Variants in E2F5 observed in about 807,000 individuals in gnomAD.
E2F5 encodes the protein E2F transcription factor 5.
In E2F5, 23 loss-of-function variants were observed where a neutral mutation model predicts 39.1. The ratio of observed to expected loss-of-function variants is 0.59; its 90% CI spans 0.42 to 0.83. E2F5 has a LOEUF of 0.83. Ranked by LOEUF, E2F5 falls within the 40% of genes least tolerant of loss-of-function variation. The pLI, the probability that E2F5 is intolerant of heterozygous loss-of-function variation, is 0.00. For missense variants in E2F5, 365 were observed against 406.7 expected (o/e 0.90, Z 0.88); for synonymous variants, 145 against 157.8 (o/e 0.92, Z 0.61).
In E2F5 at chr8:85,207,467, TG is replaced by T; in HGVS notation, c.595del (p.Glu199ArgfsTer19). The T allele has an allele frequency of 6.4e-7, 1 of 1,561,572 alleles. No individual in the cohort carries two copies. Among genetic ancestry groups the T allele is most frequent in the Non-Finnish European group, 8.7e-7 (1 of 1,151,572 alleles). On this transcript the variant is annotated frameshift_variant, in exon 5 of 8. Coordinates refer to ENST00000416274, the MANE Select transcript of E2F5 (RefSeq NM_001951.4). LOFTEE classifies it high-confidence loss of function. Reference sequence around the variant, plus strand: ...ATTCAGGCACCTTCTGGTACACAACTGGAGGTACCCATTCCAGAAATGGTAT... The same window carrying T: ...ATTCAGGCACCTTCTGGTACACAACTGAGGTACCCATTCCAGAAATGGTAT... ...LAIQAPSGTQ[L>X]EVPIPEMGQN...
chr8:85,186,938 G>C (rs1258098983), intron 1 of E2F5, among the ~76,000 whole-genome samples: 1 of 128,736 alleles, frequency 7.8e-6, no homozygotes, highest in Non-Finnish European at 1.6e-5. Context: ...TTCCTCCTTA[G>C]TTTTCTCTAA....
At chr8:85,212,269 A>G (rs1161446910) in intron 7 of E2F5, 65 bp downstream of exon 7, 62 of 1,202,140 alleles carry the variant, frequency 5.2e-5, no homozygotes, top group Admixed American at 9.7e-5. Flanking sequence ...TATAAGTGAA[A>G]CATGATTTAA....
chr8:85,180,458 T>C (rs983043234), intron 1 of E2F5, among the ~76,000 whole-genome samples: 6 of 147,442 alleles, frequency 4.1e-5, no homozygotes, highest in Non-Finnish European at 8.9e-5. Context: ...CATAATTTTT[T>C]TGAAACTTTT....
intron 6 of E2F5, 94 bp downstream of exon 6, chr8:85,209,503 C>T: frequency 1.4e-6 from 2 of 1,406,876 alleles, no homozygotes; most frequent in Non-Finnish European, 1.9e-6. Context: ...CAGAAATGTC[C>T]CAAGCACTTT....
rs2136034972 is a variant in E2F5, at chr8:85,177,401, C to T, written c.-20C>T. ...GAGCGAAAGTGCGCGGGGGCCCGAC[C>T]ACCGCGGGGCCGGGACGCGATGGCG... is the stretch of plus-strand genomic sequence containing the variant. On this transcript the variant is annotated 5_prime_UTR_variant, in exon 1 of 8. Coordinates refer to ENST00000416274, the MANE Select transcript of E2F5 (RefSeq NM_001951.4). 3 of 987,506 alleles carry T rather than the reference C, an allele frequency of 3.0e-6. No individual in the cohort carries two copies. The highest frequency in any genetic ancestry group is 6.2e-5 in the Admixed American group (1 of 16,176). 61.2% of individuals were successfully genotyped at this position (987,506 alleles called of 1,614,324 possible). A position where few individuals can be genotyped will look rare whatever the true frequency, so the allele number is the denominator to read the frequency against.
At chr8:85,196,214 C>T (rs1331976353) in intron 1 of E2F5, among the ~76,000 whole-genome samples, 1 of 152,062 alleles carries the variant, frequency 6.6e-6, no homozygotes, top group East Asian at 1.9e-4. Context: ...TATTTAATTT[C>T]CTTATTGATT....
intron 1 of E2F5, among the ~76,000 whole-genome samples, chr8:85,199,164 C>T (rs555404250): frequency 1.3e-5 from 2 of 152,084 alleles, no homozygotes; most frequent in South Asian, 4.2e-4. Context: ...CTCCTTTTTC[C>T]ATTTTCCCTC....
chr8:85,177,322 G>C lies in E2F5; in HGVS notation c.-99G>C. 1 of 938,066 alleles carries C rather than the reference G, an allele frequency of 1.1e-6. No homozygotes were observed. Among genetic ancestry groups the C allele is most frequent in the South Asian group, 4.9e-5 (1 of 20,344 alleles). The allele number at this position is 938,066 out of a possible 1,614,324, so 58.1% of individuals were successfully genotyped here. ...ACCCGCACTACCGCTCTCGGCGGGC[G>C]GGGAAGCGGCCGCAGCGGAGCCGAC... On this transcript the variant is annotated 5_prime_UTR_variant, in exon 1 of 8. Transcript: ENST00000416274.
Position 85,202,341 on chromosome 8 carries a change from C to T in E2F5, c.344+85C>T, listed in dbSNP as rs369417570. The T allele has an allele frequency of 6.2e-6, 6 of 966,288 alleles. No individual in the cohort carries two copies. The African/African-American group carries it at 8.4e-5, about 14-fold the overall frequency. 59.9% of individuals were successfully genotyped at this position (966,288 alleles called of 1,614,324 possible). On this transcript the variant is annotated intron_variant, in intron 2 of 7. Transcript: ENST00000416274. The stretch of plus-strand genomic sequence containing the variant: ...TTTGACCTTCCCAATGTTTCTATCT[C>T]CCAAATCCTCTATTTCAGTCAGGCC...
At chr8:85,211,643 G>GTTTTTTTTTT (rs950695727) in intron 6 of E2F5, among the ~76,000 whole-genome samples, 23 of 52,214 alleles carry the variant, frequency 4.4e-4, no homozygotes, top group East Asian at 1.2e-3. Flanking sequence ...GTTTGTTGTT[G>GTTTTTTTTTT]TTTTTTTTTT....
intron 1 of E2F5, among the ~76,000 whole-genome samples, chr8:85,180,903 G>C (rs1366976188): frequency 6.8e-6 from 1 of 146,260 alleles, no homozygotes; most frequent in African/African-American, 2.5e-5. Context: ...TTTGAGACAG[G>C]GTCTTATTCT....
intron 1 of E2F5, among the ~76,000 whole-genome samples, chr8:85,182,197 G>A (rs1437092959): frequency 5.3e-5 from 8 of 152,048 alleles, no homozygotes; most frequent in Admixed American, 5.2e-4. Flanking sequence ...TTCAAGCTAC[G>A]TGGTTTGCCA....
intron 1 of E2F5, among the ~76,000 whole-genome samples, chr8:85,183,260 G>A (rs1410159074): frequency 6.6e-6 from 1 of 152,056 alleles, no homozygotes; most frequent in Non-Finnish European, 1.5e-5. Flanking sequence ...TCGAAAAACA[G>A]CAACAACGAC....
chr8:85,190,345 C>T (rs1358337271), intron 1 of E2F5, among the ~76,000 whole-genome samples: 1 of 151,546 alleles, frequency 6.6e-6, no homozygotes, highest in Non-Finnish European at 1.5e-5. Context: ...TTTTTTTTTC[C>T]TTCTTTTAGA....
chr8:85,182,509 A>C (rs760268570), intron 1 of E2F5, among the ~76,000 whole-genome samples: 10 of 152,250 alleles, frequency 6.6e-5, no homozygotes, highest in Non-Finnish European at 1.3e-4. Flanking sequence ...CATTTGCATA[A>C]GGGCATGGAA....
At chr8:85,198,770 C>T (rs950179792) in intron 1 of E2F5, among the ~76,000 whole-genome samples, 3 of 152,092 alleles carry the variant, frequency 2.0e-5, no homozygotes, top group African/African-American at 4.8e-5. Context: ...TAGTGGATTC[C>T]ATCTTGTGGT....
intron 1 of E2F5, among the ~76,000 whole-genome samples, chr8:85,180,010 A>G (rs1454855643): frequency 6.7e-6 from 1 of 148,916 alleles, no homozygotes; most frequent in Non-Finnish European, 1.5e-5. Flanking sequence ...TATACACCAT[A>G]GTAAAAGATC....
At chr8:85,182,639 A>G (rs767195202) in intron 1 of E2F5, among the ~76,000 whole-genome samples, 4 of 152,180 alleles carry the variant, frequency 2.6e-5, no homozygotes, top group Non-Finnish European at 5.9e-5. Flanking sequence ...CTAGGATTTC[A>G]CTTGTTCACA....
chr8:85,198,508 A>G (rs923770664), intron 1 of E2F5, among the ~76,000 whole-genome samples: 2 of 152,170 alleles, frequency 1.3e-5, no homozygotes, highest in Non-Finnish European at 2.9e-5. Context: ...CTCTCTGCCA[A>G]AACAGCTCTG....
Sources: gnomAD v4.1 joint callset for allele counts (sites outside exome capture counted in the v4.1 genomes callset) on GRCh38, gnomAD v4.1.1 for gene constraint, MANE v1.5 for transcripts, NCBI Gene and HGNC (gene_info 2026-07-23, HGNC 2026-07-21) for gene names.